Variants in COL5A2 observed in about 807,000 individuals in gnomAD.
COL5A2 encodes collagen alpha-2(V) chain.
Under a neutral mutation model 208.2 loss-of-function variants are expected in COL5A2, and 23 were observed. The ratio of observed to expected loss-of-function variants is 0.11; its 90% confidence interval spans 0.08 to 0.16. The LOEUF is 0.16. Ranked by LOEUF, COL5A2 falls within the 10% of genes least tolerant of loss-of-function variation. COL5A2 has a pLI of 1.00. For synonymous variants in COL5A2, 625 were observed against 628.5 expected (o/e 0.99, Z 0.08); for missense variants, 1,590 against 1,956.4 (o/e 0.81, Z 3.53).
At chr2:189,341,086 T>C in the COL5A2 span, among the ~76,000 whole-genome samples, 23 of 152,162 alleles carry the variant, frequency 1.5e-4, no homozygotes, top group Non-Finnish European at 1.0e-4. Context: ...GTATAGTATA[T>C]GCATTTAAGA....
At chr2:189,216,258 A>G (rs1913892) in intron 1 of COL5A2, among the ~76,000 whole-genome samples, 112,491 of 151,982 alleles carry the variant, frequency 0.74, 44,109 homozygotes, top group Non-Finnish European at 0.87. Flanking sequence ...ATGATTTGAG[A>G]GATAACAGTA....
Position 189,048,204 on chromosome 2 carries a change from C to G in COL5A2, c.3201+5G>C. The G allele has an allele frequency of 6.2e-7, 1 of 1,613,230 alleles. No individual in the cohort carries two copies. The highest frequency in any genetic ancestry group is 2.2e-5 in the East Asian group (1 of 44,826). On this transcript the variant is annotated splice_donor_5th_base_variant and intron_variant, in intron 45 of 53. Coordinates refer to ENST00000374866, the MANE Select transcript of COL5A2 (RefSeq NM_000393.5). The stretch of plus-strand genomic sequence containing the variant: ...AGATTTTATAATAAGTGAAATGGCT[C>G]TTACACGTTCTCCAACAGCACCATC...
chr2:189,085,702 GCTTA>G lies in COL5A2; in HGVS notation c.744+13_744+16del, dbSNP rs763238542. 7.4e-6 allele frequency: 12 copies of G among 1,611,196 alleles called. No individual in the cohort carries two copies. The East Asian group carries it at 2.2e-4, about 30-fold the overall frequency. ...GACCCAAATGTAACTGGGTCTACAT[GCTTA>G]CTTGACATTTACCATTGGTCCAGGA... is the stretch of plus-strand genomic sequence containing the variant. On this transcript the variant is annotated intron_variant, in intron 10 of 53. Transcript: ENST00000374866.
intron 7 of COL5A2, among the ~76,000 whole-genome samples, 180 bp downstream of exon 7, chr2:189,092,130 A>G (rs1358210201): frequency 6.6e-6 from 1 of 152,166 alleles, no homozygotes; most frequent in African/African-American, 2.4e-5. Flanking sequence ...ACTTCTTCCA[A>G]TTTTTCCAAC....
chr2:189,170,878 T>C, intron 1 of COL5A2, among the ~76,000 whole-genome samples: 1 of 152,224 alleles, frequency 6.6e-6, no homozygotes, highest in Middle Eastern at 3.4e-3. Flanking sequence ...GTTAATAAAT[T>C]ATAATGTCAC....
At chr2:189,332,081 A>G in the COL5A2 span, among the ~76,000 whole-genome samples, 1 of 152,200 alleles carries the variant, frequency 6.6e-6, no homozygotes, top group Non-Finnish European at 1.5e-5. Context: ...ATGTAGATTT[A>G]TCAAGAAGAT....
chr2:189,316,454 T>A, the COL5A2 span, among the ~76,000 whole-genome samples: 1 of 151,994 alleles, frequency 6.6e-6, no homozygotes, highest in African/African-American at 2.4e-5. Flanking sequence ...CAAACCACCA[T>A]GGCACATGTT....
chr2:189,250,176 A>T, the COL5A2 span, among the ~76,000 whole-genome samples: 76 of 152,332 alleles, frequency 5.0e-4, no homozygotes, highest in African/African-American at 1.7e-3. Context: ...TAGCAGCAGC[A>T]GCTCCCACTT....
chr2:189,358,467 G>C, the COL5A2 span, among the ~76,000 whole-genome samples: 1 of 152,096 alleles, frequency 6.6e-6, no homozygotes, highest in African/African-American at 2.4e-5. Context: ...TGCTGTTTGG[G>C]TTGCTATAGC....
chr2:189,347,144 G>A, the COL5A2 span, among the ~76,000 whole-genome samples: 5 of 152,164 alleles, frequency 3.3e-5, no homozygotes, highest in Admixed American at 3.3e-4. Flanking sequence ...ACAAACTAGT[G>A]TCAAAAAAGG....
the COL5A2 span, among the ~76,000 whole-genome samples, chr2:189,294,232 G>T: frequency 4.2e-4 from 64 of 152,114 alleles, no homozygotes; most frequent in African/African-American, 1.5e-3. Context: ...ATTCAAACTT[G>T]CACTATCAAC....
chr2:189,066,307 G>T, intron 23 of COL5A2, 83 bp downstream of exon 23: 1 of 1,267,510 alleles, frequency 7.9e-7, no homozygotes, highest in East Asian at 2.3e-5. Flanking sequence ...TCTCTTAACT[G>T]TTCTAGTTTT....
At position 189,039,500 on chromosome 2, in the gene COL5A2, G is replaced by A; in HGVS notation, c.3697C>T (p.Leu1233Phe). The part of the protein sequence containing the change: ...PGPPGHLTAA[L>F]GDIMGHYDES... ...TCATAGTGCCCCATGATATCCCCAA[G>A]AGCAGCTGTAAGGTGGCCAGGGGGA... is the stretch of plus-strand genomic sequence containing the variant. The change falls in exon 51 of 54, where the codon CTT (leucine) becomes TTT (phenylalanine). Residue 1233 changes from leucine (L) to phenylalanine (F), a missense_variant. Coordinates refer to ENST00000374866, the MANE Select transcript of COL5A2 (RefSeq NM_000393.5). 6.2e-7 allele frequency: 1 copy of A among 1,614,086 alleles called. No homozygotes were observed. The highest frequency in any genetic ancestry group is 8.5e-7 in the Non-Finnish European group (1 of 1,180,026).
intron 1 of COL5A2, among the ~76,000 whole-genome samples, chr2:189,121,845 C>G (rs1374812850): frequency 6.7e-6 from 1 of 148,766 alleles, no homozygotes; most frequent in Admixed American, 6.8e-5. Flanking sequence ...TTTAGGAAGT[C>G]AAAAAAATAG....
At chr2:189,334,597 T>C in the COL5A2 span, among the ~76,000 whole-genome samples, 1 of 151,980 alleles carries the variant, frequency 6.6e-6, no homozygotes, top group Non-Finnish European at 1.5e-5. Flanking sequence ...TCTAAGTAAA[T>C]GTGAAGATAT....
chr2:189,274,716 A>C, the COL5A2 span, among the ~76,000 whole-genome samples: 1 of 152,170 alleles, frequency 6.6e-6, no homozygotes, highest in African/African-American at 2.4e-5. Context: ...AAATTGTATC[A>C]AAAAGAGAAT....
At chr2:189,219,949 T>C (rs1689326811) in intron 1 of COL5A2, among the ~76,000 whole-genome samples, 1 of 152,168 alleles carries the variant, frequency 6.6e-6, no homozygotes, top group Non-Finnish European at 1.5e-5. Flanking sequence ...TAATAATTTT[T>C]GAACAAAGGG....
the COL5A2 span, among the ~76,000 whole-genome samples, chr2:189,359,722 T>G: frequency 1.3e-5 from 2 of 152,190 alleles, no homozygotes; most frequent in African/African-American, 4.8e-5. Context: ...GGGAGACTTT[T>G]TATTACTGTT....
chr2:189,400,499 T>A, the COL5A2 span, among the ~76,000 whole-genome samples: 1 of 152,162 alleles, frequency 6.6e-6, no homozygotes, highest in Non-Finnish European at 1.5e-5. Flanking sequence ...TTACAGGATA[T>A]TTTTTTGCAA....
Sources: allele counts gnomAD v4.1 joint callset (sites outside exome capture counted in the v4.1 genomes callset), GRCh38; gene constraint gnomAD v4.1.1; transcripts MANE v1.5; gene names NCBI Gene and HGNC (gene_info 2026-07-23, HGNC 2026-07-21).